The following RBM20 variants were observed in gnomAD, a reference collection of about 807,000 sequenced individuals.
RBM20 encodes the protein RNA binding motif protein 20.
RBM20 carries 51 observed loss-of-function variants against 110.1 expected under a neutral mutation model. The observed-to-expected ratio is 0.46, with a 90% CI of 0.37 to 0.59. The LOEUF (loss-of-function observed/expected upper bound fraction) is 0.59. Among genes scored for constraint, RBM20 ranks in the 20% least tolerant of loss-of-function variants. RBM20 has a pLI of 0.00. For missense variants in RBM20, 1,512 were observed against 1,574.9 expected (o/e 0.96, Z 0.68); for synonymous variants, 589 against 618.2 (o/e 0.95, Z 0.70).
chr10:110,702,746 T>A (rs1207560615), intron 1 of RBM20, among the ~76,000 whole-genome samples: 2 of 152,212 alleles, frequency 1.3e-5, no homozygotes, highest in African/African-American at 4.8e-5. Flanking sequence ...AGACTGCTTA[T>A]GTTGGAATCA....
chr10:110,688,341 C>T (rs571516366), intron 1 of RBM20, among the ~76,000 whole-genome samples: 1 of 152,132 alleles, frequency 6.6e-6, no homozygotes, highest in East Asian at 1.9e-4. Context: ...AAGAAATGTT[C>T]ATGTGTTTAA....
At chr10:110,793,060 C>G (rs1473771402) in intron 5 of RBM20, among the ~76,000 whole-genome samples, 1 of 152,168 alleles carries the variant, frequency 6.6e-6, no homozygotes, top group South Asian at 2.1e-4. Flanking sequence ...CTTAGAGCCA[C>G]ATAAGCATAT....
At chr10:110,668,864 G>C (rs1862218845) in intron 1 of RBM20, among the ~76,000 whole-genome samples, 1 of 150,832 alleles carries the variant, frequency 6.6e-6, no homozygotes, top group African/African-American at 2.4e-5. Flanking sequence ...AGTTCCCTGT[G>C]GTTACTTTTT....
intron 1 of RBM20, among the ~76,000 whole-genome samples, chr10:110,673,340 T>C (rs1207763426): frequency 6.6e-6 from 1 of 152,192 alleles, no homozygotes; most frequent in African/African-American, 2.4e-5. Context: ...GCTTCCCAAG[T>C]AGCTGGGATT....
chr10:110,771,712 A>G (rs1844194745), intron 1 of RBM20, among the ~76,000 whole-genome samples: 1 of 152,182 alleles, frequency 6.6e-6, no homozygotes, highest in Admixed American at 6.5e-5. Flanking sequence ...GTGTCCTGTG[A>G]GCTACATTTC....
At chr10:110,822,564 G>A (rs1844928624) in intron 11 of RBM20, 1 of 443,722 alleles carries the variant, frequency 2.3e-6, no homozygotes, top group Non-Finnish European at 4.5e-6. Context: ...TCTCTGCCAA[G>A]TGGAACTTAA....
At chr10:110,667,894 G>A (rs1399452083) in intron 1 of RBM20, among the ~76,000 whole-genome samples, 2 of 152,164 alleles carry the variant, frequency 1.3e-5, no homozygotes, top group Non-Finnish European at 2.9e-5. Context: ...TGGGGCTTGG[G>A]TGTGAGTGAG....
chr10:110,755,945 C>T (rs1278910601), intron 1 of RBM20, among the ~76,000 whole-genome samples: 1 of 152,230 alleles, frequency 6.6e-6, no homozygotes, highest in Non-Finnish European at 1.5e-5. Context: ...CAAGTTAGGG[C>T]AGCTGGCTTT....
chr10:110,730,244 A>G (rs9971359), intron 1 of RBM20, among the ~76,000 whole-genome samples: 99,890 of 152,202 alleles, frequency 0.66, 33,167 homozygotes, highest in East Asian at 0.79. Context: ...GAACACATTC[A>G]AGATGGTTTC....
At chr10:110,756,436 T>C (rs1843921982) in intron 1 of RBM20, 1 of 152,186 alleles carries the variant, frequency 6.6e-6, no homozygotes, top group African/African-American at 2.4e-5. Flanking sequence ...AAGCTGAGAT[T>C]TAGAGGAGCC....
intron 1 of RBM20, among the ~76,000 whole-genome samples, chr10:110,646,984 T>G (rs1309492314): frequency 1.3e-5 from 2 of 152,218 alleles, no homozygotes; most frequent in African/African-American, 4.8e-5. Context: ...ATGTAACTGG[T>G]AAGAGGAGAA....
At chr10:110,648,553 G>A (rs1423079769) in intron 1 of RBM20, among the ~76,000 whole-genome samples, 9 of 152,184 alleles carry the variant, frequency 5.9e-5, no homozygotes, top group Non-Finnish European at 1.2e-4. Flanking sequence ...TAACATCTGT[G>A]CCAGTTAACA....
chr10:110,711,084 C>T (rs17829292), intron 1 of RBM20, among the ~76,000 whole-genome samples: 34,258 of 151,562 alleles, frequency 0.23, 4,109 homozygotes, highest in Non-Finnish European at 0.26. Flanking sequence ...TCCAGCCGGG[C>T]GATTGTGGCC....
At position 110,781,533 on chromosome 10, in the gene RBM20, C is replaced by G. The variant is rs772918485; in HGVS notation, c.924C>G (p.Val308=). The stretch of plus-strand genomic sequence containing the variant: ...AGGCTGGGGGCCTGAAAAGTGAGGT[C>G]GGGCCACTGCTGCAGGGCACAAACA... ...AEQAGGLKSE[V]GPLLQGTNSQ... is the part of the protein sequence containing the mutation. Residue 308 remains valine, a synonymous_variant, in exon 2 of 14, where the codon GTC becomes GTG. Transcript: ENST00000369519. 5.8e-6 allele frequency: 9 copies of G among 1,551,674 alleles called. No individual in the cohort carries two copies. Among genetic ancestry groups the G allele is most frequent in the Non-Finnish European group, 7.8e-6 (9 of 1,146,990 alleles).
At chr10:110,710,076 G>A (rs1862901614) in intron 1 of RBM20, among the ~76,000 whole-genome samples, 1 of 152,150 alleles carries the variant, frequency 6.6e-6, no homozygotes, top group Admixed American at 6.5e-5. Context: ...TGAAGAAAGA[G>A]TTCATGTCTA....
chr10:110,771,559 G>A (rs1416825344), intron 1 of RBM20, among the ~76,000 whole-genome samples: 1 of 152,230 alleles, frequency 6.6e-6, no homozygotes, highest in Non-Finnish European at 1.5e-5. Flanking sequence ...AAGTGCTTCA[G>A]TAGACAATTA....
chr10:110,663,975 C>T (rs766653709), intron 1 of RBM20, among the ~76,000 whole-genome samples: 22 of 152,206 alleles, frequency 1.4e-4, no homozygotes, highest in Non-Finnish European at 2.5e-4. Flanking sequence ...TATACAAAAA[C>T]AGTGACAATT....
intron 12 of RBM20, among the ~76,000 whole-genome samples, chr10:110,825,506 A>G (rs1381396914): frequency 2.0e-5 from 3 of 152,224 alleles, no homozygotes; most frequent in Admixed American, 6.5e-5. Context: ...CAGTCTCCAG[A>G]GGTAGCCTAC....
intron 1 of RBM20, among the ~76,000 whole-genome samples, chr10:110,724,078 C>T (rs1409024589): frequency 6.6e-6 from 1 of 152,088 alleles, no homozygotes; most frequent in Non-Finnish European, 1.5e-5. Flanking sequence ...GGTAAGAGAC[C>T]AAGCCAGGGT....
Sources: gnomAD v4.1 joint callset for allele counts (sites outside exome capture counted in the v4.1 genomes callset) on GRCh38, gnomAD v4.1.1 for gene constraint, MANE v1.5 for transcripts, NCBI Gene and HGNC (gene_info 2026-07-23, HGNC 2026-07-21) for gene names.